TMEM232: variants seen among roughly 807,000 people sequenced by gnomAD.
TMEM232 encodes transmembrane protein 232.
A neutral mutation model predicts 78.8 loss-of-function variants in TMEM232; 80 were observed. That is an observed-to-expected ratio of 1.01 (90% CI 0.85 to 1.22). The LOEUF (loss-of-function observed/expected upper bound fraction) is 1.22, where lower values mean the gene tolerates loss of function less well. Among genes scored for constraint, TMEM232 ranks in the 50% most tolerant of loss-of-function variants. The pLI is 0.00. For synonymous variants in TMEM232, 297 were observed against 254.3 expected, an observed-to-expected ratio of 1.17 and a Z score of -1.60; for missense variants, 881 against 742.2, an observed-to-expected ratio of 1.19 and a Z score of -2.17.
intron 12 of TMEM232, among the ~76,000 whole-genome samples, chr5:110,459,383 T>C (rs1265919826): frequency 6.6e-6 from 1 of 152,168 alleles, no homozygotes; most frequent in African/African-American, 2.4e-5. Flanking sequence ...AGTTTGATCT[T>C]AAAAATACAA....
intron 11 of TMEM232, among the ~76,000 whole-genome samples, chr5:110,553,475 C>G (rs1774704652): frequency 6.6e-6 from 1 of 151,472 alleles, no homozygotes; most frequent in Admixed American, 6.6e-5. Flanking sequence ...TCATTTTATT[C>G]TTTTTGTGAC....
intron 10 of TMEM232, among the ~76,000 whole-genome samples, chr5:110,589,431 G>T (rs1202763985): frequency 2.0e-5 from 3 of 152,110 alleles, no homozygotes; most frequent in Admixed American, 6.6e-5. Context: ...CTGTCTGAGA[G>T]AATTTCTCAA....
intron 10 of TMEM232, among the ~76,000 whole-genome samples, chr5:110,582,135 C>G (rs141085777): frequency 4.0e-5 from 6 of 151,814 alleles, no homozygotes; most frequent in African/African-American, 1.4e-4. Flanking sequence ...AACTATGATT[C>G]GACTCAGCAA....
Position 110,640,995 on chromosome 5 carries a change from C to T in TMEM232, c.239G>A (p.Arg80Lys). The T allele has an allele frequency of 6.6e-7, 1 of 1,523,112 alleles. No individual in the cohort carries two copies. Among genetic ancestry groups the T allele is most frequent in the Non-Finnish European group, 8.8e-7 (1 of 1,134,038 alleles). 94.3% of individuals were successfully genotyped at this position (1,523,112 alleles called of 1,614,324 possible). A position where few individuals can be genotyped will look rare whatever the true frequency, so the allele number is the denominator to read the frequency against. ...GCCCAGGGTTTTGAGACCCAATTTT[C>T]TCTGTTATGAGGAAGCATGAAAAAG... is the stretch of plus-strand genomic sequence containing the variant. Reference protein sequence around the residue: ...LARKIILRCKRKLGLKTLGSG... With the variant: ...LARKIILRCKKKLGLKTLGSG... Residue 80 changes from arginine (R) to lysine (K), a missense_variant and splice_region_variant, in exon 4 of 14, where the codon AGA (arginine) becomes AAA (lysine). Coordinates refer to ENST00000455884, the MANE Select transcript of TMEM232 (RefSeq NM_001039763.4).
chr5:110,604,986 A>T (rs1041256627), intron 10 of TMEM232, 123 bp downstream of exon 10: 16 of 1,182,996 alleles, frequency 1.4e-5, no homozygotes, highest in Non-Finnish European at 1.8e-5. Context: ...TTCTTCCAAA[A>T]TTTGTAAAAT....
chr5:110,476,201 T>C (rs997874919), intron 12 of TMEM232, among the ~76,000 whole-genome samples: 8 of 152,036 alleles, frequency 5.3e-5, no homozygotes, highest in African/African-American at 4.8e-5. Context: ...CAGTATCTTA[T>C]GCTGTGACTC....
At chr5:110,523,969 G>GC (rs1192734646) in intron 12 of TMEM232, among the ~76,000 whole-genome samples, 3 of 103,478 alleles carry the variant, frequency 2.9e-5, no homozygotes, top group African/African-American at 4.3e-5. Context: ...AAAAAAAAGG[G>GC]GGGGGGGCGG....
At chr5:110,528,366 T>G (rs549285673) in intron 12 of TMEM232, among the ~76,000 whole-genome samples, 3 of 151,902 alleles carry the variant, frequency 2.0e-5, no homozygotes, top group Admixed American at 2.0e-4. Context: ...TACATTAATA[T>G]TGATTTATAT....
intron 10 of TMEM232, among the ~76,000 whole-genome samples, chr5:110,573,898 T>C (rs1288034194): frequency 6.6e-6 from 1 of 152,060 alleles, no homozygotes; most frequent in African/African-American, 2.4e-5. Context: ...ACAAGACACC[T>C]GAGGGTCATG....
chr5:110,611,607 T>G (rs1410096197), intron 8 of TMEM232, among the ~76,000 whole-genome samples: 1 of 152,144 alleles, frequency 6.6e-6, no homozygotes, highest in African/African-American at 2.4e-5. Flanking sequence ...TCATTTTTGT[T>G]TTTATTTTTT....
intron 8 of TMEM232, among the ~76,000 whole-genome samples, chr5:110,614,488 A>T (rs1018306912): frequency 6.6e-6 from 1 of 152,108 alleles, no homozygotes; most frequent in African/African-American, 2.4e-5. Flanking sequence ...TGCAACCTTA[A>T]ACACAAATCA....
At chr5:110,584,922 T>G (rs1338977470) in intron 10 of TMEM232, among the ~76,000 whole-genome samples, 1 of 152,144 alleles carries the variant, frequency 6.6e-6, no homozygotes, top group East Asian at 1.9e-4. Flanking sequence ...AATTAATTTT[T>G]AAAGTGACAA....
chr5:110,612,111 T>C (rs548058331), intron 8 of TMEM232, among the ~76,000 whole-genome samples: 5 of 151,982 alleles, frequency 3.3e-5, no homozygotes, highest in African/African-American at 1.2e-4. Context: ...GTTTTTCATA[T>C]TACTTATCTC....
intron 2 of TMEM232, among the ~76,000 whole-genome samples, chr5:110,662,023 T>C (rs1789872043): frequency 6.6e-6 from 1 of 152,190 alleles, no homozygotes; most frequent in African/African-American, 2.4e-5. Flanking sequence ...GGTGTTTGAG[T>C]TCTTCATATA....
At chr5:110,498,143 T>C (rs1474432624) in intron 12 of TMEM232, among the ~76,000 whole-genome samples, 1 of 152,138 alleles carries the variant, frequency 6.6e-6, no homozygotes, top group African/African-American at 2.4e-5. Context: ...GTATCCCAAA[T>C]CTGGAAGCAT....
At chr5:110,708,291 A>G (rs562817172) in intron 1 of TMEM232, among the ~76,000 whole-genome samples, 14 of 152,318 alleles carry the variant, frequency 9.2e-5, no homozygotes, top group African/African-American at 2.6e-4. Context: ...CAAGGCAAAC[A>G]CAAGTTGAGG....
At chr5:110,436,920 G>A (rs1261713770) in intron 12 of TMEM232, among the ~76,000 whole-genome samples, 2 of 151,924 alleles carry the variant, frequency 1.3e-5, no homozygotes, top group Admixed American at 1.3e-4. Context: ...GCTCAGGATG[G>A]CTTTGGCTAT....
chr5:110,397,363 G>T (rs921740177), intron 3 of TMEM232, among the ~76,000 whole-genome samples: 1 of 152,136 alleles, frequency 6.6e-6, no homozygotes, highest in African/African-American at 2.4e-5. Context: ...GGATTTAATA[G>T]AGAATGAAGG....
At chr5:110,663,329 C>T (rs767064219) in intron 2 of TMEM232, among the ~76,000 whole-genome samples, 2 of 151,706 alleles carry the variant, frequency 1.3e-5, no homozygotes, top group Non-Finnish European at 2.9e-5. Context: ...ATAAGGCATA[C>T]CTTGGGAGAA....
Sources: gnomAD v4.1 joint callset for allele counts (sites outside exome capture counted in the v4.1 genomes callset) on GRCh38, gnomAD v4.1.1 for gene constraint, MANE v1.5 for transcripts, NCBI Gene and HGNC (gene_info 2026-07-23, HGNC 2026-07-21) for gene names.